The following MAP3K20 variants were observed in gnomAD, a reference collection of about 807,000 sequenced individuals.
The protein encoded by MAP3K20 is mitogen-activated protein kinase kinase kinase 20.
In MAP3K20, 40 loss-of-function variants were observed where a neutral mutation model predicts 85.7. The observed-to-expected ratio is 0.47, with a 90% confidence interval of 0.36 to 0.61. The LOEUF (loss-of-function observed/expected upper bound fraction) is 0.61, where lower values mean the gene tolerates loss of function less well. Ranked by LOEUF, MAP3K20 falls within the 20% of genes least tolerant of loss-of-function variation. MAP3K20 has a pLI of 0.00. For synonymous variants in MAP3K20, 325 were observed against 327.7 expected (o/e 0.99, Z 0.09); for missense variants, 817 against 961.7 (o/e 0.85, Z 1.99).
intron 16 of MAP3K20, among the ~76,000 whole-genome samples, chr2:173,246,022 G>C (rs547727625): frequency 2.6e-5 from 4 of 152,204 alleles, no homozygotes; most frequent in African/African-American, 9.7e-5. Context: ...TTCTCTGCTT[G>C]AATGTTTCCC....
intron 2 of MAP3K20, among the ~76,000 whole-genome samples, chr2:173,108,882 A>G (rs1687860886): frequency 6.6e-6 from 1 of 152,224 alleles, no homozygotes; most frequent in Admixed American, 6.5e-5. Flanking sequence ...CAACAAAACT[A>G]ACCAAAGGCA....
intron 11 of MAP3K20, among the ~76,000 whole-genome samples, chr2:173,228,623 G>C (rs1338481949): frequency 6.6e-6 from 1 of 152,100 alleles, no homozygotes; most frequent in Non-Finnish European, 1.5e-5. Flanking sequence ...CCGAGATTCA[G>C]GTGACCTTGG....
chr2:173,179,211 G>A (rs1043402554), intron 3 of MAP3K20, among the ~76,000 whole-genome samples: 1 of 151,956 alleles, frequency 6.6e-6, no homozygotes, highest in African/African-American at 2.4e-5. Context: ...GGCTGACACA[G>A]TGAAACCCCG....
At chr2:173,173,441 A>C (rs896126190) in intron 3 of MAP3K20, among the ~76,000 whole-genome samples, 2 of 152,106 alleles carry the variant, frequency 1.3e-5, no homozygotes, top group South Asian at 4.1e-4. Context: ...TGATCTCTTA[A>C]GTTACCTGTT....
intron 16 of MAP3K20, among the ~76,000 whole-genome samples, chr2:173,251,049 C>A (rs910841055): frequency 6.6e-6 from 1 of 152,140 alleles, no homozygotes; most frequent in Non-Finnish European, 1.5e-5. Flanking sequence ...ATAATAGCAA[C>A]GCATATAAAG....
rs148611667 is a variant in MAP3K20, at chr2:173,136,743, C to T, written c.160-33062C>T. Among the ~76,000 whole-genome samples, 51 of 152,300 alleles carry T rather than the reference C, an allele frequency of 3.3e-4. 1 individual carries two copies. Among genetic ancestry groups the T allele is most frequent in the African/African-American group, 1.2e-3 (49 of 41,566 alleles). On this transcript the variant is annotated intron_variant, in intron 2 of 19. Transcript: ENST00000375213. ...CACTCACAATCAAAGGAAGTGGTTT[C>T]CCTAATTACATGAACTATGTGAAAT...
chr2:173,222,273 G>T (rs1039514776), intron 11 of MAP3K20: 3 of 985,796 alleles, frequency 3.0e-6, no homozygotes, highest in Non-Finnish European at 3.6e-6. Flanking sequence ...ATCTAAGAAG[G>T]TTATAACAAA....
At chr2:173,228,294 C>G (rs2106328236) in intron 11 of MAP3K20, among the ~76,000 whole-genome samples, 1 of 152,226 alleles carries the variant, frequency 6.6e-6, no homozygotes, top group African/African-American at 2.4e-5. Flanking sequence ...TCACTGCCTT[C>G]CATTCCCATC....
At chr2:173,089,352 AC>A (rs1687228019) in intron 1 of MAP3K20, among the ~76,000 whole-genome samples, 1 of 152,098 alleles carries the variant, frequency 6.6e-6, no homozygotes, top group South Asian at 2.1e-4. Context: ...TGAGGACTGA[AC>A]CATTTTAAAG....
intron 2 of MAP3K20, among the ~76,000 whole-genome samples, chr2:173,144,744 G>A (rs1253856081): frequency 6.6e-6 from 1 of 151,970 alleles, no homozygotes; most frequent in Non-Finnish European, 1.5e-5. Flanking sequence ...TTTTCCATAA[G>A]TCCAGTTGTA....
upstream of MAP3K20, chr2:173,075,788 G>A: frequency 1.0e-6 from 1 of 985,520 alleles, no homozygotes; most frequent in Non-Finnish European, 1.2e-6. Context: ...TGTGAGGGGA[G>A]GGCGGCCCAG....
At chr2:173,102,365 C>T (rs547712131) in intron 2 of MAP3K20, among the ~76,000 whole-genome samples, 1 of 152,240 alleles carries the variant, frequency 6.6e-6, no homozygotes, top group African/African-American at 2.4e-5. Context: ...ATGAAGGGTT[C>T]TGTTCTATAG....
In MAP3K20 at chr2:173,161,465, C is replaced by T. The variant is rs577556685; in HGVS notation, c.160-8340C>T. 1.3e-3 allele frequency among the ~76,000 whole-genome samples: 193 copies of T among 152,304 alleles called. No homozygotes were observed. In the Middle Eastern group the frequency reaches 0.017, roughly 13 times the overall value. On this transcript the variant is annotated intron_variant, in intron 2 of 19. Transcript: ENST00000375213. ...GGGTTAACATTTGCTAACATAGGCT[C>T]TCCATAATTATTTAAACACACTGAA...
intron 2 of MAP3K20, among the ~76,000 whole-genome samples, chr2:173,104,401 A>G (rs1253648170): frequency 6.6e-6 from 1 of 152,170 alleles, no homozygotes; most frequent in Non-Finnish European, 1.5e-5. Flanking sequence ...CAAGACTTTG[A>G]GGTTTTGGGA....
chr2:173,204,586 A>AAGATCATTTTAAAAGACTCTCG (rs1683603269), intron 9 of MAP3K20, among the ~76,000 whole-genome samples: 1 of 152,212 alleles, frequency 6.6e-6, no homozygotes. Context: ...TTTCCCTGCA[A>AAGATCATTTTAAAAGACTCTCG]AGATCATTTT....
chr2:173,209,566 G>C (rs749430539), intron 9 of MAP3K20, 163 bp from the exon 10 acceptor site: 7 of 570,854 alleles, frequency 1.2e-5, no homozygotes, highest in Non-Finnish European at 2.1e-5. Flanking sequence ...CCCTAAACCT[G>C]AGTGATCTGA....
chr2:173,168,953 A>G (rs1309483295), intron 2 of MAP3K20, among the ~76,000 whole-genome samples: 1 of 152,142 alleles, frequency 6.6e-6, no homozygotes, highest in East Asian at 1.9e-4. Context: ...AATATTTAAC[A>G]CGTTTCAAAA....
At chr2:173,223,399 AGCAC>A (rs1684304223) in intron 11 of MAP3K20, 1 of 938,182 alleles carries the variant, frequency 1.1e-6, no homozygotes, top group African/African-American at 1.8e-5. Context: ...ATATATGTAA[AGCAC>A]TTTAACACAG....
intron 19 of MAP3K20, among the ~76,000 whole-genome samples, chr2:173,265,477 A>T (rs1685398623): frequency 6.6e-6 from 1 of 152,214 alleles, no homozygotes; most frequent in African/African-American, 2.4e-5. Flanking sequence ...TCTCCTGTGG[A>T]CACGTGAACG....
Sources: allele counts gnomAD v4.1 joint callset (sites outside exome capture counted in the v4.1 genomes callset), GRCh38; gene constraint gnomAD v4.1.1; transcripts MANE v1.5; gene names NCBI Gene and HGNC (gene_info 2026-07-23, HGNC 2026-07-21).